ST3GAL6: variants seen among roughly 807,000 people sequenced by gnomAD.
ST3GAL6 encodes the protein type 2 lactosamine alpha-2,3-sialyltransferase.
In ST3GAL6, 31 loss-of-function variants were observed where a neutral mutation model predicts 40.5. The observed-to-expected ratio is 0.77, with a 90% CI of 0.58 to 1.03. The LOEUF (loss-of-function observed/expected upper bound fraction) is 1.03, where lower values mean the gene tolerates loss of function less well. Among genes scored for constraint, ST3GAL6 ranks in the 50% least tolerant of loss-of-function variants. ST3GAL6 has a pLI of 0.00. For synonymous variants in ST3GAL6, 129 were observed against 136.9 expected (o/e 0.94, Z 0.40); for missense variants, 357 against 393.2 (o/e 0.91, Z 0.78).
At chr3:98,732,839 G>T (rs915456040) in intron 1 of ST3GAL6, 42 of 1,503,712 alleles carry the variant, frequency 2.8e-5, no homozygotes, top group Non-Finnish European at 3.7e-5. Context: ...TTTGGTTTCT[G>T]CCGGCCTCGG....
intron 6 of ST3GAL6, 33 bp from the exon 7 acceptor site, chr3:98,788,003 G>A (rs1940883670): frequency 6.3e-7 from 1 of 1,581,750 alleles, no homozygotes; most frequent in African/African-American, 1.3e-5. Context: ...ACTGCACTTG[G>A]TCTACATATC....
intron 1 of ST3GAL6, among the ~76,000 whole-genome samples, chr3:98,763,733 TAAAA>T (rs1156871943): frequency 1.0e-5 from 1 of 100,176 alleles, no homozygotes; most frequent in Non-Finnish European, 2.2e-5. Flanking sequence ...TCCTAGTGAC[TAAAA>T]AAAAAAAAAA....
At chr3:98,744,739 A>G (rs1249606296) in intron 1 of ST3GAL6, among the ~76,000 whole-genome samples, 1 of 148,600 alleles carries the variant, frequency 6.7e-6, no homozygotes, top group East Asian at 1.9e-4. Flanking sequence ...TGGCCCCAAA[A>G]ATATCTTTGA....
chr3:98,774,170 G>T (rs1410028346), intron 5 of ST3GAL6, among the ~76,000 whole-genome samples, 187 bp downstream of exon 5: 1 of 152,168 alleles, frequency 6.6e-6, no homozygotes, highest in South Asian at 2.1e-4. Context: ...TGCATAACTG[G>T]TTGGCTCAAA....
intron 4 of ST3GAL6, 90 bp from the exon 5 acceptor site, chr3:98,773,830 T>C: frequency 1.0e-6 from 1 of 968,626 alleles, no homozygotes; most frequent in Non-Finnish European, 1.6e-6. Flanking sequence ...TGGTTGGAAA[T>C]GGGTTTGTGT....
At chr3:98,778,820 T>C (rs563009176) in intron 5 of ST3GAL6, among the ~76,000 whole-genome samples, 1 of 152,344 alleles carries the variant, frequency 6.6e-6, no homozygotes, top group Non-Finnish European at 1.5e-5. Context: ...ATCTCCTGGC[T>C]GCAAGTAATA....
chr3:98,734,918 TC>T (rs953216531), intron 1 of ST3GAL6, among the ~76,000 whole-genome samples: 18 of 152,170 alleles, frequency 1.2e-4, no homozygotes, highest in African/African-American at 4.3e-4. Context: ...ATGCCATGTT[TC>T]CCGCATTTCC....
intron 1 of ST3GAL6, among the ~76,000 whole-genome samples, chr3:98,743,001 T>C (rs1309054126): frequency 1.1e-4 from 5 of 43,626 alleles, no homozygotes; most frequent in Non-Finnish European, 2.2e-4. Flanking sequence ...TGCCAGGCTC[T>C]TTTTTTTTTT....
intron 1 of ST3GAL6, among the ~76,000 whole-genome samples, chr3:98,767,212 A>G (rs1938452437): frequency 6.6e-6 from 1 of 152,238 alleles, no homozygotes; most frequent in Non-Finnish European, 1.5e-5. Context: ...CTTAGCAAAT[A>G]GCCCCACACA....
At chr3:98,733,507 G>T (rs1935243127) in intron 1 of ST3GAL6, 1 of 986,658 alleles carries the variant, frequency 1.0e-6, no homozygotes, top group African/African-American at 1.7e-5. Context: ...ACCGTATAAA[G>T]TTTTTCGAGA....
chr3:98,732,455 T>G (rs1935097270), exon 1 of ST3GAL6: 1 of 174,424 alleles, frequency 5.7e-6, no homozygotes, highest in South Asian at 1.4e-4. Flanking sequence ...CCGCCTTTCC[T>G]CGTCCCTCCC....
intron 1 of ST3GAL6, among the ~76,000 whole-genome samples, chr3:98,750,440 T>G (rs1936916967): frequency 8.0e-6 from 1 of 124,840 alleles, no homozygotes; most frequent in Non-Finnish European, 1.8e-5. Context: ...ATAATGTAGT[T>G]AGAAGACTCT....
At chr3:98,734,808 C>T (rs1935387903) in intron 1 of ST3GAL6, among the ~76,000 whole-genome samples, 1 of 152,220 alleles carries the variant, frequency 6.6e-6, no homozygotes, top group East Asian at 1.9e-4. Context: ...TAGGTGTTCT[C>T]ATTCAGTGGC....
chr3:98,733,147 C>T, intron 1 of ST3GAL6: 1 of 1,246,324 alleles, frequency 8.0e-7, no homozygotes, highest in Non-Finnish European at 1.0e-6. Context: ...GCGCTGTTTG[C>T]CCCTCCACAT....
chr3:98,783,072 A>C (rs1230851973), intron 5 of ST3GAL6: 6 of 189,842 alleles, frequency 3.2e-5, no homozygotes, highest in East Asian at 3.5e-4. Context: ...TGATTGTGAC[A>C]CTCACCCGAA....
chr3:98,774,054 G>T, intron 5 of ST3GAL6, 71 bp downstream of exon 5: 2 of 1,243,902 alleles, frequency 1.6e-6, no homozygotes, highest in Non-Finnish European at 1.2e-6. Flanking sequence ...TGTACCCCAA[G>T]AAATGTAAGA....
chr3:98,773,803 A>G, intron 4 of ST3GAL6, 117 bp from the exon 5 acceptor site: 1 of 698,832 alleles, frequency 1.4e-6, no homozygotes. Context: ...TCACAGAATA[A>G]ATCAATGTGG....
At chr3:98,767,058 C>T (rs1011799898) in intron 1 of ST3GAL6, among the ~76,000 whole-genome samples, 1 of 152,176 alleles carries the variant, frequency 6.6e-6, no homozygotes, top group African/African-American at 2.4e-5. Context: ...TTTGCTTTCT[C>T]CTGACATAGT....
chr3:98,747,998 G>C (rs1253359703), intron 1 of ST3GAL6, among the ~76,000 whole-genome samples: 1 of 152,044 alleles, frequency 6.6e-6, no homozygotes, highest in Non-Finnish European at 1.5e-5. Flanking sequence ...ATTAACATTT[G>C]GACCTCTATT....
Sources: allele counts gnomAD v4.1 joint callset (sites outside exome capture counted in the v4.1 genomes callset), GRCh38; gene constraint gnomAD v4.1.1; transcripts MANE v1.5; gene names NCBI Gene and HGNC (gene_info 2026-07-23, HGNC 2026-07-21).